CELA2B: variants seen among roughly 807,000 people sequenced by gnomAD.
The protein encoded by CELA2B is chymotrypsin like elastase 2B.
Under a neutral mutation model 36.5 loss-of-function variants are expected in CELA2B, and 27 were observed. That is an observed-to-expected ratio of 0.74 (90% CI 0.55 to 1.02). CELA2B has a LOEUF of 1.02. Ranked by LOEUF, CELA2B falls within the 50% of genes least tolerant of loss-of-function variation. The pLI, the probability that CELA2B is intolerant of heterozygous loss-of-function variation, is 0.00. For synonymous variants in CELA2B, 143 were observed against 148.5 expected, an observed-to-expected ratio of 0.96 and a Z score of 0.27; for missense variants, 340 against 347.8, an observed-to-expected ratio of 0.98 and a Z score of 0.18.
chr1:15,481,088 T>C lies in CELA2B; in HGVS notation c.130-10T>C, dbSNP rs781517319. 1 of 1,611,828 alleles carries C rather than the reference T, an allele frequency of 6.2e-7. No individual in the cohort carries two copies. Among genetic ancestry groups the C allele is most frequent in the East Asian group, 2.2e-5 (1 of 44,886 alleles). On this transcript the variant is annotated splice_polypyrimidine_tract_variant and intron_variant, in intron 2 of 7. Transcript: ENST00000375910. ...TTCAGCCACAGCCACAGACCTGTGT[T>C]TCTCCCCAGGTCTCCCTGCAGTACA...
At chr1:15,486,598 T>C (rs1708807782) in intron 6 of CELA2B, among the ~76,000 whole-genome samples, 1 of 152,260 alleles carries the variant, frequency 6.6e-6, no homozygotes, top group African/African-American at 2.4e-5. Flanking sequence ...CTCTCGTGAC[T>C]GTCCTTCTGT....
intron 7 of CELA2B, chr1:15,491,023 T>G (rs1479583269): frequency 1.5e-5 from 7 of 474,074 alleles, no homozygotes; most frequent in South Asian, 3.2e-5. Flanking sequence ...ATATAATTTT[T>G]AGGGGGTTCG....
intron 3 of CELA2B, 41 bp from the exon 4 acceptor site, chr1:15,482,223 GC>G: frequency 3.1e-6 from 5 of 1,608,524 alleles, no homozygotes; most frequent in Non-Finnish European, 3.4e-6. Flanking sequence ...TCAAAGCCAG[GC>G]CTCTGGAGGT....
intron 5 of CELA2B, among the ~76,000 whole-genome samples, chr1:15,483,687 G>C (rs1242538599): frequency 6.6e-6 from 1 of 152,198 alleles, no homozygotes; most frequent in Non-Finnish European, 1.5e-5. Flanking sequence ...CGGCACTTTG[G>C]GAGGCCGAGA....
intron 6 of CELA2B, 122 bp from the exon 7 acceptor site, chr1:15,487,163 C>CA (rs1438429768): frequency 6.6e-6 from 6 of 909,492 alleles, no homozygotes; most frequent in Non-Finnish European, 1.0e-5. Context: ...GCTATGACCA[C>CA]AAGGACCAGC....
At chr1:15,477,139 T>C (rs1193490546) in intron 2 of CELA2B, among the ~76,000 whole-genome samples, 1 of 152,220 alleles carries the variant, frequency 6.6e-6, no homozygotes, top group Admixed American at 6.6e-5. Flanking sequence ...AGAGGCTTTC[T>C]TTCAAATGTA....
At chr1:15,491,227 A>T in intron 7 of CELA2B, 68 bp from the exon 8 acceptor site, 2 of 1,602,236 alleles carry the variant, frequency 1.2e-6, no homozygotes, top group South Asian at 2.2e-5. Flanking sequence ...GGACAGAGAC[A>T]GGAAACTGCC....
chr1:15,489,950 T>C (rs1708855073), intron 7 of CELA2B, among the ~76,000 whole-genome samples: 1 of 152,142 alleles, frequency 6.6e-6, no homozygotes, highest in Non-Finnish European at 1.5e-5. Context: ...CTCAGCTCAC[T>C]GCAACCTGCG....
At chr1:15,478,029 T>C (rs1223158287) in intron 2 of CELA2B, among the ~76,000 whole-genome samples, 3 of 152,094 alleles carry the variant, frequency 2.0e-5, no homozygotes, top group African/African-American at 7.2e-5. Context: ...CCAGGCGTGG[T>C]GGCTCAGGCC....
At chr1:15,484,920 C>A (rs1429989095) in intron 5 of CELA2B, among the ~76,000 whole-genome samples, 2 of 149,618 alleles carry the variant, frequency 1.3e-5, no homozygotes, top group Admixed American at 1.3e-4. Context: ...TTTTTTGAGA[C>A]AGAGTCTTGC....
At chr1:15,489,290 G>A (rs555895071) in intron 7 of CELA2B, among the ~76,000 whole-genome samples, 2 of 152,170 alleles carry the variant, frequency 1.3e-5, no homozygotes, top group East Asian at 3.9e-4. Context: ...AACAGAACAG[G>A]CCAGATCCCA....
chr1:15,476,295 A>G (rs1421936236), intron 1 of CELA2B, 130 bp downstream of exon 1: 5 of 1,446,348 alleles, frequency 3.5e-6, no homozygotes, highest in East Asian at 2.3e-5. Context: ...AAGAAAACCG[A>G]AATGGAGTTT....
chr1:15,486,021 G>A lies in CELA2B; in HGVS notation c.614G>A (p.Gly205Asp). 6.2e-7 allele frequency: 1 copy of A among 1,614,080 alleles called. No individual in the cohort carries two copies. The highest frequency in any genetic ancestry group is 8.5e-7 in the Non-Finnish European group (1 of 1,179,948). ...TVKTNMICAG[G>D]DGVICTCNGD... ...AAGACGAATATGATCTGTGCTGGGG[G>A]TGATGGCGTGATATGCACCTGCAAC... Residue 205 changes from glycine to aspartate, a missense_variant, in exon 6 of 8, where the codon GGT becomes GAT. By Grantham distance (94) the Gly-to-Asp change is moderately conservative. Coordinates refer to ENST00000375910, the MANE Select transcript of CELA2B (RefSeq NM_015849.3).
chr1:15,485,842 C>A lies in CELA2B; in HGVS notation c.494-59C>A, dbSNP rs1708796777. On this transcript the variant is annotated intron_variant, in intron 5 of 7. Transcript: ENST00000375910. The stretch of plus-strand genomic sequence containing the variant: ...CAGGGGAAATCCAGTAGGGGTCCAC[C>A]ACTTCCTTTTTCTCAGGAGTCCCTG... 5.0e-6 allele frequency: 8 copies of A among 1,598,486 alleles called. No individual in the cohort carries two copies. The South Asian group carries it at 7.8e-5, about 16-fold the overall frequency.
chr1:15,485,834 G>C, intron 5 of CELA2B, 67 bp from the exon 6 acceptor site: 13 of 1,581,162 alleles, frequency 8.2e-6, no homozygotes, highest in Non-Finnish European at 1.1e-5. Context: ...AATCCAGTAG[G>C]GGTCCACCAC....
rs6699603 is a variant in CELA2B at position 15,485,085 on chromosome 1, G to A, written c.494-816G>A. The stretch of plus-strand genomic sequence containing the variant: ...CTAATTTCTATATTTTACTAGAGAC[G>A]GGGTTTCACCATGTTGGCCAAGCTG... On this transcript the variant is annotated intron_variant, in intron 5 of 7. Transcript: ENST00000375910. 4.8e-3 allele frequency among the ~76,000 whole-genome samples: 724 copies of A among 152,110 alleles called. 7 individuals are homozygous for A. Among genetic ancestry groups the A allele is most frequent in the East Asian group, 0.022 (113 of 5,158 alleles).
Position 15,476,562 on chromosome 1 carries a change from G to C in CELA2B, c.129+17G>C, listed in dbSNP as rs1298441377. Reference sequence around the variant, plus strand: ...CCCTGGCAGGTGAGTTGACCACACTGTACTTCTCCCCGTCCCTGCCCCACT... The same window carrying C: ...CCCTGGCAGGTGAGTTGACCACACTCTACTTCTCCCCGTCCCTGCCCCACT... On this transcript the variant is annotated intron_variant, in intron 2 of 7. Coordinates refer to ENST00000375910, the MANE Select transcript of CELA2B (RefSeq NM_015849.3). The C allele has an allele frequency of 6.2e-7, 1 of 1,611,116 alleles. No individual in the cohort carries two copies. Among genetic ancestry groups the C allele is most frequent in the East Asian group, 2.2e-5 (1 of 44,852 alleles).
chr1:15,484,929 G>C (rs904261986), intron 5 of CELA2B, among the ~76,000 whole-genome samples: 5 of 149,432 alleles, frequency 3.3e-5, no homozygotes, highest in Admixed American at 1.3e-4. Flanking sequence ...ACAGAGTCTT[G>C]CTCTGTCGCC....
intron 5 of CELA2B, among the ~76,000 whole-genome samples, chr1:15,483,654 G>A (rs1431942335): frequency 6.6e-6 from 1 of 152,154 alleles, no homozygotes; most frequent in Non-Finnish European, 1.5e-5. Flanking sequence ...TTGGCTGGGC[G>A]CGGTGGCTCA....
Sources: allele counts gnomAD v4.1 joint callset (sites outside exome capture counted in the v4.1 genomes callset), GRCh38; gene constraint gnomAD v4.1.1; transcripts MANE v1.5; gene names NCBI Gene and HGNC (gene_info 2026-07-23, HGNC 2026-07-21).